The following VPS13D variants were observed in gnomAD, a reference collection of about 807,000 sequenced individuals.
The protein encoded by VPS13D is intermembrane lipid transfer protein VPS13D.
In VPS13D, 187 loss-of-function variants were observed where a neutral mutation model predicts 461.9. The ratio of observed to expected loss-of-function variants is 0.40; its 90% confidence interval spans 0.36 to 0.46. The LOEUF (loss-of-function observed/expected upper bound fraction) is 0.46. Among genes scored for constraint, VPS13D ranks in the 20% least tolerant of loss-of-function variants. The pLI, the probability that VPS13D is intolerant of heterozygous loss-of-function variation, is 0.60. For missense variants in VPS13D, 4,711 were observed against 5,364.9 expected (o/e 0.88, Z 3.81); for synonymous variants, 1,951 against 1,986.3 (o/e 0.98, Z 0.47).
rs1279665538 is a variant in VPS13D at position 12,383,048 on chromosome 1, T to C, written c.11263T>C (p.Leu3755=). The change falls in exon 58 of 70, where the codon TTG becomes CTG. Residue 3755 remains leucine (L), a synonymous_variant. Transcript: ENST00000620676. ...TGGTCCTGACACTTCCATGGAGCTT[T>C]TGGGGCCAGTTCCACCTGAACAACA... ...VLGPDTSMEL[L]GPVPPEQQFI... The C allele has an allele frequency of 5.0e-6, 8 of 1,614,064 alleles. No homozygotes were observed. In the African/African-American group the frequency reaches 8.0e-5, roughly 16 times the overall value.
intron 65 of VPS13D, among the ~76,000 whole-genome samples, chr1:12,451,925 C>T (rs559056289): frequency 7.9e-5 from 12 of 152,310 alleles, no homozygotes; most frequent in African/African-American, 2.6e-4. Context: ...TTACCTAATC[C>T]TTACAGCATC....
intron 65 of VPS13D, among the ~76,000 whole-genome samples, chr1:12,442,841 G>A (rs1047526907): frequency 5.9e-5 from 9 of 151,834 alleles, no homozygotes; most frequent in Non-Finnish European, 1.2e-4. Flanking sequence ...CTCCCACCTC[G>A]GCCTCCCAAA....
intron 63 of VPS13D, among the ~76,000 whole-genome samples, chr1:12,412,999 A>G (rs1469259324): frequency 5.3e-5 from 8 of 152,304 alleles, no homozygotes; most frequent in Non-Finnish European, 1.0e-4. Flanking sequence ...AAATACTTCA[A>G]TAAGCACTTC....
chr1:12,309,458 C>T (rs1395536413), intron 27 of VPS13D, among the ~76,000 whole-genome samples: 1 of 151,420 alleles, frequency 6.6e-6, no homozygotes, highest in African/African-American at 2.4e-5. Flanking sequence ...ATCCACCTGC[C>T]TTGGCATGCC....
chr1:12,243,885 A>G (rs1640460733), intron 3 of VPS13D, among the ~76,000 whole-genome samples: 1 of 152,210 alleles, frequency 6.6e-6, no homozygotes, highest in African/African-American at 2.4e-5. Flanking sequence ...CTAATGAACA[A>G]GAAATGAGTT....
chr1:12,244,025 G>A (rs1316182505), intron 3 of VPS13D, among the ~76,000 whole-genome samples: 1 of 152,118 alleles, frequency 6.6e-6, no homozygotes, highest in Non-Finnish European at 1.5e-5. Flanking sequence ...AAGTCTTCGC[G>A]AACTTTTTCC....
At chr1:12,399,186 T>C (rs1256612986) in intron 60 of VPS13D, among the ~76,000 whole-genome samples, 1 of 152,152 alleles carries the variant, frequency 6.6e-6, no homozygotes, top group African/African-American at 2.4e-5. Flanking sequence ...AATTACTTTT[T>C]TCAAATAGTT....
At position 12,304,616 on chromosome 1, in the gene VPS13D, T is replaced by G; in HGVS notation, c.6327T>G (p.Pro2109=). The change falls in exon 26 of 70, where the codon CCT becomes CCG. Residue 2109 remains proline (P), a synonymous_variant. Coordinates refer to ENST00000620676, the MANE Select transcript of VPS13D (RefSeq NM_015378.4). The stretch of plus-strand genomic sequence containing the variant: ...ATTCCCAGGGGCAGTTCACGATGCC[T>G]CTTGCTGGAATGAGCCTAGGAAGCC... ...GTHSQGQFTM[P]LAGMSLGSLK... is the part of the protein sequence containing the mutation. The G allele has an allele frequency of 6.2e-7, 1 of 1,614,084 alleles. No individual in the cohort carries two copies. Among genetic ancestry groups the G allele is most frequent in the Non-Finnish European group, 8.5e-7 (1 of 1,180,020 alleles).
At position 12,290,128 on chromosome 1, in the gene VPS13D, G is replaced by A. The variant is rs193233056; in HGVS notation, c.5726-870G>A. Among the ~76,000 whole-genome samples, 60 of 152,056 alleles carry A rather than the reference G, an allele frequency of 3.9e-4. 1 individual carries two copies. In the Middle Eastern group the frequency reaches 0.01, roughly 26 times the overall value. ...CTCATTATAGATTCACATTCTAGTC[G>A]TACATGTTTCAGTCACGTCTTCTTT... On this transcript the variant is annotated intron_variant, in intron 22 of 69. Transcript: ENST00000620676.
chr1:12,358,883 T>C (rs887443767), intron 50 of VPS13D, among the ~76,000 whole-genome samples: 2 of 152,184 alleles, frequency 1.3e-5, no homozygotes, highest in Non-Finnish European at 2.9e-5. Context: ...CTTGAATCCT[T>C]GTTTTTCGGG....
At chr1:12,358,757 T>C (rs1170858033) in intron 50 of VPS13D, among the ~76,000 whole-genome samples, 156 bp downstream of exon 50, 1 of 152,194 alleles carries the variant, frequency 6.6e-6, no homozygotes, top group Non-Finnish European at 1.5e-5. Context: ...GCTACAGTGA[T>C]ATCAACACAG....
rs137909177 is a variant in VPS13D, at chr1:12,277,611, G to A, written c.4023G>A (p.Ser1341=). The A allele has an allele frequency of 1.2e-5, 20 of 1,613,826 alleles. No individual in the cohort carries two copies. The highest frequency in any genetic ancestry group is 1.1e-4 in the South Asian group (10 of 91,080). ...TKTAEYSEMV[S]LFETPRKTRE... Reference sequence around the variant, plus strand: ...CTGCCGAGTATAGCGAGATGGTATCGCTCTTTGAAACTCCAAGGAAGACTC... The same window carrying A: ...CTGCCGAGTATAGCGAGATGGTATCACTCTTTGAAACTCCAAGGAAGACTC... Residue 1341 remains serine (S), a synonymous_variant, in exon 19 of 70, where the codon TCG becomes TCA. Transcript: ENST00000620676.
intron 65 of VPS13D, among the ~76,000 whole-genome samples, chr1:12,441,463 T>C (rs1484557774): frequency 6.6e-6 from 1 of 152,078 alleles, no homozygotes; most frequent in African/African-American, 2.4e-5. Context: ...AAAAGAGATA[T>C]GAACAAATGG....
At chr1:12,444,117 AG>A (rs1645164681) in intron 65 of VPS13D, among the ~76,000 whole-genome samples, 1 of 152,208 alleles carries the variant, frequency 6.6e-6, no homozygotes, top group African/African-American at 2.4e-5. Flanking sequence ...CTGGGATTAC[AG>A]GTGTGAGCCA....
chr1:12,378,635 A>G, intron 56 of VPS13D, 44 bp downstream of exon 56: 1 of 1,462,188 alleles, frequency 6.8e-7, no homozygotes, highest in Non-Finnish European at 9.1e-7. Context: ...TTGCTTTCAA[A>G]TTCAGACTCA....
At chr1:12,254,928 T>C (rs975967083) in intron 7 of VPS13D, among the ~76,000 whole-genome samples, 1 of 151,980 alleles carries the variant, frequency 6.6e-6, no homozygotes, top group Admixed American at 6.6e-5. Flanking sequence ...ACTTGGATAC[T>C]ATTGTACATG....
chr1:12,238,538 ATATTATT>A (rs1640241211), intron 2 of VPS13D, among the ~76,000 whole-genome samples: 1 of 151,790 alleles, frequency 6.6e-6, no homozygotes, highest in South Asian at 2.1e-4. Context: ...TGAGAAACTA[ATATTATT>A]TATTTGTATT....
intron 67 of VPS13D, among the ~76,000 whole-genome samples, chr1:12,463,073 A>T (rs1645432948): frequency 6.6e-6 from 1 of 152,202 alleles, no homozygotes; most frequent in African/African-American, 2.4e-5. Flanking sequence ...AAGGAAAAAA[A>T]AAAACAACAA....
chr1:12,405,147 A>G (rs1022279177), intron 63 of VPS13D, among the ~76,000 whole-genome samples: 3 of 152,200 alleles, frequency 2.0e-5, no homozygotes, highest in African/African-American at 7.2e-5. Context: ...GTGTCTGCCC[A>G]ACCAGGAGTG....
Sources: gnomAD v4.1 joint callset for allele counts (sites outside exome capture counted in the v4.1 genomes callset) on GRCh38, gnomAD v4.1.1 for gene constraint, MANE v1.5 for transcripts, NCBI Gene and HGNC (gene_info 2026-07-23, HGNC 2026-07-21) for gene names.